Variants in RARB observed in about 807,000 individuals in gnomAD.
RARB encodes the protein HBV-activated protein.
In RARB, 17 loss-of-function variants were observed where a neutral mutation model predicts 51.9. The observed-to-expected ratio is 0.33, with a 90% CI of 0.22 to 0.49. The LOEUF (loss-of-function observed/expected upper bound fraction) is 0.49, where lower values mean the gene tolerates loss of function less well. RARB is among the 20% of genes least tolerant of loss of function. The pLI is 0.99. For synonymous variants in RARB, 215 were observed against 195.4 expected (o/e 1.10, Z -0.84); for missense variants, 369 against 550.8 (o/e 0.67, Z 3.30).
At chr3:25,033,527 G>T (rs1438123199) in intron 2 of RARB, among the ~76,000 whole-genome samples, 1 of 152,194 alleles carries the variant, frequency 6.6e-6, no homozygotes, top group Non-Finnish European at 1.5e-5. Context: ...GTGTCTCTAT[G>T]TGGCTGCTGC....
chr3:25,543,365 C>T (rs949223672), intron 3 of RARB, among the ~76,000 whole-genome samples: 3 of 152,136 alleles, frequency 2.0e-5, no homozygotes, highest in African/African-American at 7.2e-5. Flanking sequence ...CTCGCTCCCC[C>T]CAACCAGTTC....
At chr3:25,337,797 C>T (rs1705107779) in intron 5 of RARB, among the ~76,000 whole-genome samples, 1 of 152,024 alleles carries the variant, frequency 6.6e-6, no homozygotes, top group Admixed American at 6.6e-5. Flanking sequence ...AATGTACATT[C>T]CAGGAGTATA....
At chr3:25,106,300 C>G (rs934810959) in intron 3 of RARB, among the ~76,000 whole-genome samples, 1 of 44,630 alleles carries the variant, frequency 2.2e-5, no homozygotes, top group African/African-American at 9.1e-5. Flanking sequence ...TTTTTTGAGA[C>G]AGAGTCTCAC....
intron 4 of RARB, among the ~76,000 whole-genome samples, chr3:25,170,063 G>A (rs1431580275): frequency 6.6e-6 from 1 of 151,472 alleles, no homozygotes; most frequent in Non-Finnish European, 1.5e-5. Context: ...ACTCAAGAAT[G>A]AGAAGGATAG....
At chr3:25,470,242 T>A (rs991991730) in intron 2 of RARB, among the ~76,000 whole-genome samples, 8 of 152,092 alleles carry the variant, frequency 5.3e-5, no homozygotes, top group Admixed American at 3.3e-4. Flanking sequence ...ACAAAAAGTT[T>A]TTAAGTACGT....
rs146672461 is a variant in RARB at position 25,218,237 on chromosome 3, G to C, written c.178+43662G>C. ...CTTGAAGGACTCCAGCTTCTAGGGAGGATGGTTTTTCCTGGCACTGTTTCA... is the reference window on the plus strand; with the variant it reads ...CTTGAAGGACTCCAGCTTCTAGGGACGATGGTTTTTCCTGGCACTGTTTCA... On this transcript the variant is annotated intron_variant, in intron 5 of 11. Coordinates refer to the RARB transcript ENST00000383772. Among the ~76,000 whole-genome samples the C allele has an allele frequency of 1.0e-3, 157 of 152,230 alleles. 1 individual carries two copies. The highest frequency in any genetic ancestry group is 6.8e-3 in the Middle Eastern group (2 of 294).
At chr3:25,511,386 C>T (rs772243987) in intron 3 of RARB, among the ~76,000 whole-genome samples, 3 of 152,200 alleles carry the variant, frequency 2.0e-5, no homozygotes, top group Non-Finnish European at 4.4e-5. Flanking sequence ...CCACCTCAGC[C>T]TCCCAAAGTG....
At chr3:24,998,453 A>G (rs1697088779) in intron 2 of RARB, among the ~76,000 whole-genome samples, 1 of 151,882 alleles carries the variant, frequency 6.6e-6, no homozygotes. Flanking sequence ...CATTGTCACC[A>G]CAAAGACCCC....
chr3:25,365,911 C>T (rs186702955), intron 5 of RARB, among the ~76,000 whole-genome samples: 1 of 152,320 alleles, frequency 6.6e-6, no homozygotes, highest in Non-Finnish European at 1.5e-5. Context: ...CCACAGTAGT[C>T]ACAACTGTGC....
chr3:24,958,264 T>TTTTTTG (rs1696063692), intron 2 of RARB, among the ~76,000 whole-genome samples: 1 of 117,554 alleles, frequency 8.5e-6, no homozygotes, highest in Non-Finnish European at 1.6e-5. Context: ...GGTTTTTTTT[T>TTTTTTG]TTTTTTTTTT....
chr3:25,011,674 C>A (rs1559433022), intron 2 of RARB, among the ~76,000 whole-genome samples: 1 of 152,092 alleles, frequency 6.6e-6, no homozygotes, highest in Non-Finnish European at 1.5e-5. Flanking sequence ...CATTCACTTA[C>A]TCCTCAGCTC....
At chr3:24,956,814 G>A (rs543802342) in intron 2 of RARB, among the ~76,000 whole-genome samples, 8 of 152,222 alleles carry the variant, frequency 5.3e-5, no homozygotes, top group South Asian at 2.1e-4. Flanking sequence ...CAGACTGTCC[G>A]CTAGATATTT....
chr3:25,500,454 G>GTTTTTTTTTTTTTTTTTTTTTGT (rs1697245494), intron 2 of RARB, among the ~76,000 whole-genome samples: 1 of 66,144 alleles, frequency 1.5e-5, no homozygotes, highest in African/African-American at 5.7e-5. Context: ...TTCTTTTCTT[G>GTTTTTTTTTTTTTTTTTTTTTGT]TTTTTTTTTT....
chr3:25,312,867 C>T (rs927420184), intron 5 of RARB, among the ~76,000 whole-genome samples: 6 of 152,182 alleles, frequency 3.9e-5, no homozygotes, highest in African/African-American at 9.7e-5. Flanking sequence ...TCAATCTCAC[C>T]ATTCCCTGTT....
Position 25,183,928 on chromosome 3 carries a change from T to C in RARB, c.178+9353T>C, listed in dbSNP as rs76126537. On this transcript the variant is annotated intron_variant, in intron 5 of 11. Coordinates refer to the RARB transcript ENST00000383772. ...TATATCTGTCCCCATTAGTTCCCCT[T>C]ATCCAGGATTCTTTTAGTTTCTTAT... 4.9e-3 allele frequency among the ~76,000 whole-genome samples: 750 copies of C among 152,252 alleles called. 6 individuals carry two copies. The highest frequency in any genetic ancestry group is 0.018 in the African/African-American group (731 of 41,550).
chr3:25,023,285 A>C (rs897716923), intron 2 of RARB, among the ~76,000 whole-genome samples: 1 of 152,230 alleles, frequency 6.6e-6, no homozygotes, highest in African/African-American at 2.4e-5. Flanking sequence ...CCACAATCTT[A>C]ACTTCAGTCT....
chr3:24,905,168 G>A (rs928490223), intron 2 of RARB, among the ~76,000 whole-genome samples: 1 of 152,098 alleles, frequency 6.6e-6, no homozygotes, highest in African/African-American at 2.4e-5. Flanking sequence ...TTACCACAGG[G>A]CTATAGAAGG....
intron 5 of RARB, among the ~76,000 whole-genome samples, chr3:25,206,944 C>T (rs1405763892): frequency 1.3e-5 from 2 of 152,194 alleles, no homozygotes; most frequent in East Asian, 1.9e-4. Context: ...AAGTGGATTA[C>T]AGTGAATTTT....
chr3:25,471,957 C>T (rs1477289162), intron 2 of RARB, among the ~76,000 whole-genome samples: 1 of 152,120 alleles, frequency 6.6e-6, no homozygotes, highest in Non-Finnish European at 1.5e-5. Context: ...ATTGTCAGGG[C>T]AGGGCTCAGA....
Sources: allele counts gnomAD v4.1 joint callset (sites outside exome capture counted in the v4.1 genomes callset), GRCh38; gene constraint gnomAD v4.1.1; transcripts MANE v1.5; gene names NCBI Gene and HGNC (gene_info 2026-07-23, HGNC 2026-07-21).